The following ZFAND3 variants were observed in gnomAD, a reference collection of about 807,000 sequenced individuals.
ZFAND3 encodes AN1-type zinc finger protein 3.
ZFAND3 carries 10 observed loss-of-function variants against 29.6 expected under a neutral mutation model. The ratio of observed to expected loss-of-function variants is 0.34; its 90% confidence interval spans 0.21 to 0.57. The LOEUF is 0.57. ZFAND3 is among the 20% of genes least tolerant of loss of function. The probability of loss-of-function intolerance (pLI) is 0.86; values close to 1 mark genes in which losing one functional copy is unlikely to be tolerated. For missense variants in ZFAND3, 230 were observed against 304.5 expected, an observed-to-expected ratio of 0.76 and a Z score of 1.82; for synonymous variants, 128 against 112.6, an observed-to-expected ratio of 1.14 and a Z score of -0.87.
At chr6:37,909,685 G>A (rs1264977391) in intron 1 of ZFAND3, among the ~76,000 whole-genome samples, 1 of 136,704 alleles carries the variant, frequency 7.3e-6, no homozygotes, top group African/African-American at 2.7e-5. Flanking sequence ...TTTGTCCTCT[G>A]CATTTCTGAA....
chr6:38,095,248 T>C lies in ZFAND3; in HGVS notation c.361+12791T>C, dbSNP rs187073232. Among the ~76,000 whole-genome samples, 77 of 152,336 alleles carry C rather than the reference T, an allele frequency of 5.1e-4. No homozygotes were observed. In the South Asian group the frequency reaches 6.2e-3, roughly 12 times the overall value. On this transcript the variant is annotated intron_variant, in intron 4 of 5. Transcript: ENST00000287218. ...TCATTTACTTTTCAGGGCTAGCATCTGTGAGCCATTGCATAAGAATCTCTG... is the reference window on the plus strand; with the variant it reads ...TCATTTACTTTTCAGGGCTAGCATCCGTGAGCCATTGCATAAGAATCTCTG...
At chr6:38,115,794 T>C (rs968748617) in intron 4 of ZFAND3, among the ~76,000 whole-genome samples, 1 of 152,160 alleles carries the variant, frequency 6.6e-6, no homozygotes, top group African/African-American at 2.4e-5. Flanking sequence ...ATAAGAGCTT[T>C]GTTGCGTCTT....
At chr6:37,859,859 T>TG (rs199828881) in intron 1 of ZFAND3, among the ~76,000 whole-genome samples, 7 of 95,210 alleles carry the variant, frequency 7.4e-5, no homozygotes, top group South Asian at 6.0e-4. Flanking sequence ...CAGGCTGGAG[T>TG]GGGTTTTTTT....
At chr6:37,983,245 G>A (rs1265775687) in intron 2 of ZFAND3, among the ~76,000 whole-genome samples, 3 of 150,956 alleles carry the variant, frequency 2.0e-5, no homozygotes, top group Non-Finnish European at 2.9e-5. Flanking sequence ...AATGTGCTAG[G>A]CCTTCACATT....
intron 1 of ZFAND3, among the ~76,000 whole-genome samples, chr6:37,914,540 T>C (rs1761197384): frequency 6.6e-6 from 1 of 152,186 alleles, no homozygotes; most frequent in African/African-American, 2.4e-5. Flanking sequence ...GGTTTTGCCA[T>C]GTTGGCCAGG....
chr6:37,987,035 GAATT>G (rs1431585034), intron 2 of ZFAND3, among the ~76,000 whole-genome samples: 2 of 152,220 alleles, frequency 1.3e-5, no homozygotes, highest in Non-Finnish European at 2.9e-5. Flanking sequence ...TTATCTCTGA[GAATT>G]AATAGCCTTG....
intron 1 of ZFAND3, among the ~76,000 whole-genome samples, chr6:37,874,362 A>G (rs1764754143): frequency 6.6e-6 from 1 of 152,098 alleles, no homozygotes. Flanking sequence ...TTAAAACTAC[A>G]AAATTAGCTG....
chr6:38,036,355 C>T lies in ZFAND3; in HGVS notation c.113-25238C>T, dbSNP rs559025469. On this transcript the variant is annotated intron_variant, in intron 2 of 5. Coordinates refer to ENST00000287218, the MANE Select transcript of ZFAND3 (RefSeq NM_021943.3). ...CTTCACAGAATTATTCCAGCCAAGC[C>T]ACTAAACAAACAACAAGCAACACCA... 2.6e-5 allele frequency among the ~76,000 whole-genome samples: 4 copies of T among 152,280 alleles called. No individual in the cohort carries two copies. The South Asian group carries it at 8.3e-4, about 32-fold the overall frequency.
intron 2 of ZFAND3, among the ~76,000 whole-genome samples, chr6:38,052,522 T>C (rs760561056): frequency 1.3e-5 from 2 of 152,164 alleles, no homozygotes; most frequent in Non-Finnish European, 2.9e-5. Flanking sequence ...TTCAGCAAAT[T>C]TATATTATGT....
At chr6:38,052,788 A>C (rs1764051793) in intron 2 of ZFAND3, among the ~76,000 whole-genome samples, 1 of 152,006 alleles carries the variant, frequency 6.6e-6, no homozygotes, top group African/African-American at 2.4e-5. Flanking sequence ...GTAATCCCAG[A>C]GTGATTACAG....
intron 2 of ZFAND3, among the ~76,000 whole-genome samples, chr6:37,969,390 G>A (rs995027014): frequency 5.3e-5 from 8 of 152,190 alleles, no homozygotes; most frequent in African/African-American, 1.9e-4. Flanking sequence ...ATACCCTTAA[G>A]CTGCCAAACA....
intron 2 of ZFAND3, among the ~76,000 whole-genome samples, chr6:38,036,655 C>T (rs1017469385): frequency 7.9e-5 from 12 of 152,002 alleles, no homozygotes; most frequent in Admixed American, 7.2e-4. Flanking sequence ...TAGAGATTAT[C>T]AATAAAGAGA....
intron 2 of ZFAND3, chr6:38,003,078 AG>A (rs1372229954): frequency 6.5e-6 from 1 of 153,286 alleles, no homozygotes; most frequent in African/African-American, 2.4e-5. Flanking sequence ...CAATGATCTT[AG>A]TTCGTTGGTT....
intron 2 of ZFAND3, among the ~76,000 whole-genome samples, chr6:38,003,502 CT>C (rs34965436): frequency 0.38 from 56,409 of 146,850 alleles, 11,184 homozygotes; most frequent in Non-Finnish European, 0.47. Context: ...CATCCATAAT[CT>C]TTTTTTTTTT....
At chr6:37,912,393 T>C (rs1428905866) in intron 1 of ZFAND3, among the ~76,000 whole-genome samples, 1 of 152,156 alleles carries the variant, frequency 6.6e-6, no homozygotes, top group Non-Finnish European at 1.5e-5. Context: ...TTCAGGAAAG[T>C]TGGCGAATAT....
chr6:38,058,898 A>G (rs1764182122), intron 2 of ZFAND3, among the ~76,000 whole-genome samples: 1 of 152,214 alleles, frequency 6.6e-6, no homozygotes, highest in African/African-American at 2.4e-5. Flanking sequence ...CTGGCACATA[A>G]TAAACGCATC....
intron 2 of ZFAND3, among the ~76,000 whole-genome samples, chr6:37,965,427 T>C (rs1196099185): frequency 6.6e-6 from 1 of 152,126 alleles, no homozygotes; most frequent in Non-Finnish European, 1.5e-5. Flanking sequence ...ACCCCAACCA[T>C]TTCTATAAGG....
intron 1 of ZFAND3, among the ~76,000 whole-genome samples, chr6:37,867,763 A>G (rs942070800): frequency 5.3e-5 from 8 of 152,218 alleles, no homozygotes; most frequent in Non-Finnish European, 2.9e-5. Context: ...TAAAGTTCCC[A>G]AAGTATGCTT....
intron 4 of ZFAND3, 88 bp downstream of exon 4, chr6:38,082,545 G>A: frequency 1.6e-6 from 2 of 1,265,604 alleles, no homozygotes; most frequent in African/African-American, 1.5e-5. Flanking sequence ...TGCTTCTCAG[G>A]GTACTCTGAT....
Sources: allele counts gnomAD v4.1 joint callset (sites outside exome capture counted in the v4.1 genomes callset), GRCh38; gene constraint gnomAD v4.1.1; transcripts MANE v1.5; gene names NCBI Gene and HGNC (gene_info 2026-07-23, HGNC 2026-07-21).